RAB3IP: variants seen among roughly 807,000 people sequenced by gnomAD.
RAB3IP encodes the protein RAB3A interacting protein, also known as rab-3A-interacting protein.
A neutral mutation model predicts 59.1 loss-of-function variants in RAB3IP; 36 were observed. The observed-to-expected ratio is 0.61, with a 90% CI of 0.47 to 0.80. The LOEUF is 0.80. Ranked by LOEUF, RAB3IP falls within the 30% of genes least tolerant of loss-of-function variation. The pLI is 0.00. For missense variants in RAB3IP, 511 were observed against 536.0 expected (o/e 0.95, Z 0.46); for synonymous variants, 207 against 191.2 (o/e 1.08, Z -0.68).
intron 1 of RAB3IP, among the ~76,000 whole-genome samples, chr12:69,750,070 AGT>A (rs1242329856): frequency 6.6e-6 from 1 of 152,242 alleles, no homozygotes; most frequent in African/African-American, 2.4e-5. Flanking sequence ...TCTACTTGTA[AGT>A]GTGTCGTGGT....
chr12:69,783,310 T>G (rs959326741), intron 3 of RAB3IP, among the ~76,000 whole-genome samples: 1 of 152,240 alleles, frequency 6.6e-6, no homozygotes, highest in African/African-American at 2.4e-5. Context: ...GCACTGTTTC[T>G]GAGAGCTTTA....
At chr12:69,807,737 G>A (rs1332092596) in intron 8 of RAB3IP, among the ~76,000 whole-genome samples, 1 of 129,984 alleles carries the variant, frequency 7.7e-6, no homozygotes, top group Non-Finnish European at 1.6e-5. Flanking sequence ...CCGGGCAGAG[G>A]TGCTCACTTC....
intron 4 of RAB3IP, among the ~76,000 whole-genome samples, chr12:69,787,260 GT>G: frequency 6.6e-6 from 1 of 151,942 alleles, no homozygotes; most frequent in East Asian, 1.9e-4. Context: ...CAAAAGTTAT[GT>G]TTTTCTTCTA....
intron 8 of RAB3IP, among the ~76,000 whole-genome samples, chr12:69,809,305 C>T (rs1386110578): frequency 1.3e-5 from 2 of 152,104 alleles, no homozygotes; most frequent in Non-Finnish European, 2.9e-5. Context: ...GTGGGTAACC[C>T]GACCTTTCTC....
intron 1 of RAB3IP, among the ~76,000 whole-genome samples, chr12:69,744,759 G>A (rs76026266): frequency 0.018 from 2,747 of 151,806 alleles, 86 homozygotes; most frequent in African/African-American, 0.063. Flanking sequence ...TAATAAAAAT[G>A]GGAAAATTGT....
chr12:69,806,983 A>G (rs946485821), intron 8 of RAB3IP, among the ~76,000 whole-genome samples: 6 of 152,194 alleles, frequency 3.9e-5, no homozygotes, highest in African/African-American at 7.2e-5. Context: ...ACTTCTTTCT[A>G]GACAGACACA....
At chr12:69,775,073 T>C (rs368302785) in intron 3 of RAB3IP, among the ~76,000 whole-genome samples, 1 of 51,586 alleles carries the variant, frequency 1.9e-5, no homozygotes, top group African/African-American at 6.0e-5. Flanking sequence ...TTGTTTGTGT[T>C]CTCTTTTATT....
rs532420226 is a variant in RAB3IP, at chr12:69,807,352, G to A, written c.1131-5426G>A. Among the ~76,000 whole-genome samples the A allele has an allele frequency of 1.4e-4, 21 of 147,892 alleles. 1 individual carries two copies. The South Asian group carries it at 3.0e-3, about 21-fold the overall frequency. On this transcript the variant is annotated intron_variant, in intron 8 of 10. Coordinates refer to ENST00000247833, the MANE Select transcript of RAB3IP (RefSeq NM_022456.5). ...GCGCTCTTCACCTCCCAGACAGGGC[G>A]GCAGGGCAGAGGCGCTTCCCACCTC... is the stretch of plus-strand genomic sequence containing the variant.
At chr12:69,770,904 A>G (rs999895606) in intron 3 of RAB3IP, among the ~76,000 whole-genome samples, 1 of 152,180 alleles carries the variant, frequency 6.6e-6, no homozygotes, top group African/African-American at 2.4e-5. Flanking sequence ...GCAATATATA[A>G]TAGATTATTA....
At position 69,795,233 on chromosome 12, in the gene RAB3IP, A is replaced by C. The variant is rs1392221017; in HGVS notation, c.777A>C (p.Gly259=). 1 of 1,614,124 alleles carries C rather than the reference A, an allele frequency of 6.2e-7. No homozygotes were observed. The highest frequency in any genetic ancestry group is 2.2e-5 in the East Asian group (1 of 44,892). ...TSPTQEPLPG[G]KTPFKKGHTR... ...CTACGCAGGAGCCTTTGCCAGGTGG[A>C]AAGACACCTTTTAAAAAGGGGCATA... is the stretch of plus-strand genomic sequence containing the variant. Residue 259 remains glycine, a synonymous_variant, in exon 6 of 11, where the codon GGA becomes GGC. Coordinates refer to ENST00000247833, the MANE Select transcript of RAB3IP (RefSeq NM_022456.5).
intron 3 of RAB3IP, 70 bp downstream of exon 3, chr12:69,756,733 A>C: frequency 8.1e-7 from 1 of 1,241,388 alleles, no homozygotes; most frequent in Non-Finnish European, 1.1e-6. Flanking sequence ...GGGGTGGGGC[A>C]ACCTGCAGAA....
intron 6 of RAB3IP, among the ~76,000 whole-genome samples, chr12:69,797,922 A>G (rs1032495006): frequency 3.3e-5 from 5 of 152,098 alleles, no homozygotes; most frequent in African/African-American, 1.2e-4. Flanking sequence ...CCAGTCTATC[A>G]TTGTTGGACA....
chr12:69,745,714 G>T (rs1309442586), intron 1 of RAB3IP, among the ~76,000 whole-genome samples: 1 of 152,014 alleles, frequency 6.6e-6, no homozygotes, highest in Non-Finnish European at 1.5e-5. Context: ...GAACATGCAG[G>T]TTTGTTACAT....
At chr12:69,802,846 A>G (rs1216004267) in intron 8 of RAB3IP, among the ~76,000 whole-genome samples, 1 of 152,184 alleles carries the variant, frequency 6.6e-6, no homozygotes, top group African/African-American at 2.4e-5. Flanking sequence ...GTTCCTAGTC[A>G]TATGTTTGCT....
chr12:69,760,529 A>G (rs1174190767), intron 3 of RAB3IP, among the ~76,000 whole-genome samples: 2 of 152,226 alleles, frequency 1.3e-5, no homozygotes, highest in East Asian at 1.9e-4. Context: ...ATGTGGATCC[A>G]GATTTCCAAC....
At position 69,755,250 on chromosome 12, in the gene RAB3IP, T is replaced by C. The variant is rs572829189; in HGVS notation, c.-25-134T>C. The C allele has an allele frequency of 1.7e-5, 14 of 831,634 alleles. No homozygotes were observed. In the African/African-American group the frequency reaches 2.4e-4, roughly 14 times the overall value. 51.5% of individuals were successfully genotyped at this position (831,634 alleles called of 1,614,324 possible). ...TATACCACCATGTGATTGTGGTTTT[T>C]TAAAAAAAGCCTCTTTTATTGTAAG... On this transcript the variant is annotated intron_variant, in intron 1 of 10. Coordinates refer to ENST00000247833, the MANE Select transcript of RAB3IP (RefSeq NM_022456.5).
intron 9 of RAB3IP, 31 bp from the exon 10 acceptor site, chr12:69,812,933 C>A: frequency 6.2e-7 from 1 of 1,605,172 alleles, no homozygotes; most frequent in Non-Finnish European, 8.5e-7. Context: ...GGACATTTGA[C>A]CATTCATGAC....
At chr12:69,806,173 A>C (rs978993975) in intron 8 of RAB3IP, among the ~76,000 whole-genome samples, 22 of 152,106 alleles carry the variant, frequency 1.4e-4, no homozygotes, top group Admixed American at 7.8e-4. Context: ...TCAATTTCAG[A>C]TCCTGTTATT....
chr12:69,796,745 T>C, intron 6 of RAB3IP: 1 of 467,354 alleles, frequency 2.1e-6, no homozygotes, highest in Non-Finnish European at 3.8e-6. Flanking sequence ...GTCCTAACTT[T>C]AATTCTAATT....
Sources: gnomAD v4.1 joint callset for allele counts (sites outside exome capture counted in the v4.1 genomes callset) on GRCh38, gnomAD v4.1.1 for gene constraint, MANE v1.5 for transcripts, NCBI Gene and HGNC (gene_info 2026-07-23, HGNC 2026-07-21) for gene names.